ADGB: variants seen among roughly 807,000 people sequenced by gnomAD.
ADGB encodes the protein androglobin.
In ADGB, 172 loss-of-function variants were observed where a neutral mutation model predicts 210.5. The observed-to-expected ratio is 0.82, with a 90% CI of 0.72 to 0.93. The LOEUF is 0.93. Ranked by LOEUF, ADGB falls within the 40% of genes least tolerant of loss-of-function variation. The probability of loss-of-function intolerance (pLI) is 0.00; values close to 1 mark genes in which losing one functional copy is unlikely to be tolerated. For synonymous variants in ADGB, 658 were observed against 662.7 expected (o/e 0.99, Z 0.11); for missense variants, 2,025 against 1,964.8 (o/e 1.03, Z -0.58).
At chr6:146,633,490 T>C (rs1052160974) in intron 1 of ADGB, among the ~76,000 whole-genome samples, 2 of 151,950 alleles carry the variant, frequency 1.3e-5, no homozygotes, top group African/African-American at 4.8e-5. Context: ...CTCTCTGCAA[T>C]CAACTTCCAT....
intron 29 of ADGB, among the ~76,000 whole-genome samples, chr6:146,774,445 C>T (rs1478123230): frequency 2.0e-5 from 3 of 151,970 alleles, no homozygotes; most frequent in Non-Finnish European, 4.4e-5. Context: ...TGTGAATGAC[C>T]AGCTGCTAAA....
chr6:146,762,795 G>A (rs1021858400), intron 27 of ADGB, among the ~76,000 whole-genome samples: 3 of 152,084 alleles, frequency 2.0e-5, no homozygotes, highest in Non-Finnish European at 2.9e-5. Context: ...TGAATGCTCT[G>A]CATATTCACT....
Position 146,769,550 on chromosome 6 carries a change from A to T in ADGB, c.3862+419A>T, listed in dbSNP as rs1052865401. Reference sequence around the variant, plus strand: ...ATTCCAGAAGAATAATTTTCTAGTGAAAGAGTACTCTGGTTTATTTTTTCA... The same window carrying T: ...ATTCCAGAAGAATAATTTTCTAGTGTAAGAGTACTCTGGTTTATTTTTTCA... On this transcript the variant is annotated intron_variant, in intron 29 of 35. Coordinates refer to ENST00000397944, the MANE Select transcript of ADGB (RefSeq NM_024694.4). Among the ~76,000 whole-genome samples the T allele has an allele frequency of 3.9e-5, 6 of 152,306 alleles. No homozygotes were observed. In the East Asian group the frequency reaches 1.2e-3, roughly 29 times the overall value.
chr6:146,760,489 C>T (rs564070980), intron 27 of ADGB, among the ~76,000 whole-genome samples: 1 of 151,980 alleles, frequency 6.6e-6, no homozygotes, highest in African/African-American at 2.4e-5. Flanking sequence ...AGATACCACA[C>T]TTTGTCTACC....
At chr6:146,724,386 G>T in intron 18 of ADGB, 59 bp downstream of exon 18, 2 of 1,457,194 alleles carry the variant, frequency 1.4e-6, no homozygotes, top group Non-Finnish European at 1.8e-6. Flanking sequence ...GCAAATTGTT[G>T]GTTACTAAAG....
chr6:146,611,986 A>G lies in ADGB; in HGVS notation c.74+12872A>G, dbSNP rs185829796. Among the ~76,000 whole-genome samples the G allele has an allele frequency of 6.6e-5, 10 of 152,254 alleles. No homozygotes were observed. The East Asian group carries it at 1.9e-3, about 29-fold the overall frequency. On this transcript the variant is annotated intron_variant, in intron 1 of 35. Coordinates refer to ENST00000397944, the MANE Select transcript of ADGB (RefSeq NM_024694.4). The stretch of plus-strand genomic sequence containing the variant: ...GCAAAAGCTTAAGATCTTAGTGGCC[A>G]GCATTACTTTGTTTGAGACCAGAGT...
chr6:146,734,075 A>G (rs1172727108), intron 22 of ADGB, 45 bp downstream of exon 22: 13 of 1,526,770 alleles, frequency 8.5e-6, no homozygotes, highest in African/African-American at 1.4e-5. Flanking sequence ...TTTGTATAAG[A>G]ATAAATATTT....
At chr6:146,760,966 G>C (rs573724753) in intron 27 of ADGB, among the ~76,000 whole-genome samples, 48 of 151,918 alleles carry the variant, frequency 3.2e-4, no homozygotes, top group Middle Eastern at 6.8e-3. Flanking sequence ...TTATTAACCT[G>C]TTCTTCATAT....
intron 3 of ADGB, among the ~76,000 whole-genome samples, chr6:146,651,077 A>G (rs538143035): frequency 2.0e-5 from 3 of 152,280 alleles, no homozygotes; most frequent in African/African-American, 7.2e-5. Context: ...CTTTCCTCAC[A>G]CAGACAGAGA....
At chr6:146,724,042 C>T in intron 17 of ADGB, 144 bp from the exon 18 acceptor site, 1 of 675,150 alleles carries the variant, frequency 1.5e-6, no homozygotes, top group Non-Finnish European at 2.3e-6. Flanking sequence ...GGAGTAATTT[C>T]TAATGTTTTA....
chr6:146,666,344 T>C (rs1477899458), intron 6 of ADGB, among the ~76,000 whole-genome samples: 1 of 152,042 alleles, frequency 6.6e-6, no homozygotes. Flanking sequence ...AACAGATGTT[T>C]CTGGTTTCTC....
intron 35 of ADGB, among the ~76,000 whole-genome samples, chr6:146,805,976 G>A (rs76158194): frequency 6.6e-6 from 1 of 152,196 alleles, no homozygotes; most frequent in Non-Finnish European, 1.5e-5. Context: ...TAGATTCACT[G>A]TTGTGTCCCC....
chr6:146,811,513 A>T (rs1365357702), intron 35 of ADGB, among the ~76,000 whole-genome samples: 1 of 148,002 alleles, frequency 6.8e-6, no homozygotes, highest in African/African-American at 2.5e-5. Context: ...TAGTAACATT[A>T]TTATATATTC....
In ADGB at chr6:146,703,867, G is replaced by GT. The variant is rs34144862; in HGVS notation, c.1707+2808dup. ...GGATCACATGATTGCCCTATTTTTA[G>GT]TTTTTTTTTTTCAACCTCCATACTG... On this transcript the variant is annotated intron_variant, in intron 13 of 35. Coordinates refer to ENST00000397944, the MANE Select transcript of ADGB (RefSeq NM_024694.4). Among the ~76,000 whole-genome samples the GT allele has an allele frequency of 9.9e-4, 146 of 148,040 alleles. 2 individuals carry two copies. Among genetic ancestry groups the GT allele is most frequent in the Middle Eastern group, 7.0e-3 (2 of 286 alleles).
rs370737487 is a variant in ADGB, at chr6:146,742,416, CTTAAA to C, written c.3177+1149_3177+1153del. On this transcript the variant is annotated intron_variant, in intron 25 of 35. Coordinates refer to ENST00000397944, the MANE Select transcript of ADGB (RefSeq NM_024694.4). ...TGATATTATCAAATTGTAACTTAAGCTTAAATTATTTTTATTTTGCATTAAATTTG... is the reference window on the plus strand; with the variant it reads ...TGATATTATCAAATTGTAACTTAAGCTTATTTTTATTTTGCATTAAATTTG... Among the ~76,000 whole-genome samples the C allele has an allele frequency of 6.7e-4, 102 of 151,720 alleles. No homozygotes were observed. The East Asian group carries it at 7.8e-3, about 12-fold the overall frequency.
At chr6:146,607,913 C>T (rs923817451) in intron 1 of ADGB, among the ~76,000 whole-genome samples, 1 of 152,124 alleles carries the variant, frequency 6.6e-6, no homozygotes, top group African/African-American at 2.4e-5. Context: ...ATGCTGGCCT[C>T]ATAGAATGAG....
At chr6:146,763,179 T>C (rs1460726704) in intron 27 of ADGB, among the ~76,000 whole-genome samples, 2 of 152,286 alleles carry the variant, frequency 1.3e-5, no homozygotes, top group East Asian at 3.9e-4. Context: ...GGTCACTTTG[T>C]ATGTTTCCCT....
chr6:146,663,907 A>G (rs769486099), intron 5 of ADGB, among the ~76,000 whole-genome samples: 2 of 152,068 alleles, frequency 1.3e-5, no homozygotes, highest in Non-Finnish European at 2.9e-5. Flanking sequence ...TCCTTGAAAC[A>G]CCTCAATTTC....
chr6:146,705,242 T>C (rs775952917), intron 13 of ADGB, among the ~76,000 whole-genome samples: 6 of 152,010 alleles, frequency 3.9e-5, no homozygotes, highest in Non-Finnish European at 5.9e-5. Context: ...AGAGGAAAAA[T>C]TTAGCTTCTT....
Sources: allele counts gnomAD v4.1 joint callset (sites outside exome capture counted in the v4.1 genomes callset), GRCh38; gene constraint gnomAD v4.1.1; transcripts MANE v1.5; gene names NCBI Gene and HGNC (gene_info 2026-07-23, HGNC 2026-07-21).